The following PTK2 variants were observed in gnomAD, a reference collection of about 807,000 sequenced individuals.
PTK2 encodes protein tyrosine kinase 2.
PTK2 carries 45 observed loss-of-function variants against 150.1 expected under a neutral mutation model. That is an observed-to-expected ratio of 0.30 (90% CI 0.24 to 0.38). The LOEUF is 0.38. PTK2 is among the 10% of genes least tolerant of loss of function. PTK2 has a pLI of 1.00. For synonymous variants in PTK2, 432 were observed against 449.2 expected (o/e 0.96, Z 0.48); for missense variants, 919 against 1,307.3 (o/e 0.70, Z 4.58).
chr8:140,715,092 T>C (rs976456322), intron 23 of PTK2, among the ~76,000 whole-genome samples: 1 of 151,242 alleles, frequency 6.6e-6, no homozygotes, highest in Non-Finnish European at 1.5e-5. Flanking sequence ...TTAGTATTTG[T>C]TAATAATCAT....
chr8:140,823,391 G>C (rs966225944), intron 8 of PTK2, among the ~76,000 whole-genome samples: 20 of 152,214 alleles, frequency 1.3e-4, no homozygotes, highest in Middle Eastern at 3.4e-3. Context: ...CTGCTCATTT[G>C]TTCAATGCTT....
chr8:140,786,484 T>G (rs575629181), intron 14 of PTK2, among the ~76,000 whole-genome samples: 16 of 152,310 alleles, frequency 1.1e-4, no homozygotes, highest in Admixed American at 3.3e-4. Flanking sequence ...TTACCAGCTC[T>G]GGGGCTAAGT....
intron 13 of PTK2, among the ~76,000 whole-genome samples, chr8:140,791,639 A>C (rs1378592229): frequency 1.3e-5 from 2 of 152,172 alleles, no homozygotes; most frequent in African/African-American, 4.8e-5. Context: ...CTATTACAGG[A>C]AAACATGATG....
chr8:140,889,927 C>G (rs1273632315), intron 3 of PTK2, among the ~76,000 whole-genome samples: 1 of 152,164 alleles, frequency 6.6e-6, no homozygotes, highest in Non-Finnish European at 1.5e-5. Flanking sequence ...AAAGGAAATC[C>G]TTTCCAGTAC....
chr8:140,766,060 C>T (rs995169503), intron 14 of PTK2, among the ~76,000 whole-genome samples: 1 of 152,150 alleles, frequency 6.6e-6, no homozygotes, highest in Non-Finnish European at 1.5e-5. Context: ...CATGAATTGG[C>T]CCTGCTGCAG....
intron 11 of PTK2, among the ~76,000 whole-genome samples, chr8:140,801,751 A>C (rs917653359): frequency 2.0e-5 from 3 of 152,196 alleles, no homozygotes; most frequent in Admixed American, 6.5e-5. Context: ...CATGGACAAC[A>C]CAGTGTGGAA....
chr8:140,744,205 T>C (rs1481423943), intron 19 of PTK2, among the ~76,000 whole-genome samples: 3 of 152,100 alleles, frequency 2.0e-5, no homozygotes, highest in African/African-American at 4.8e-5. Context: ...ACTCAGGCTA[T>C]AAACAGAAAT....
intron 1 of PTK2, among the ~76,000 whole-genome samples, chr8:140,955,380 A>C (rs912435079): frequency 6.6e-6 from 1 of 152,142 alleles, no homozygotes; most frequent in Admixed American, 6.6e-5. Context: ...CGTGTGTAAG[A>C]TATGTCTTGC....
intron 10 of PTK2, among the ~76,000 whole-genome samples, chr8:140,805,464 C>T (rs2154598781): frequency 6.6e-6 from 1 of 150,992 alleles, no homozygotes; most frequent in East Asian, 2.0e-4. Flanking sequence ...GAGGCTGAGG[C>T]AGGAGAATCA....
At chr8:140,945,217 T>C (rs1005889383) in intron 1 of PTK2, among the ~76,000 whole-genome samples, 17 of 152,212 alleles carry the variant, frequency 1.1e-4, no homozygotes, top group Non-Finnish European at 2.4e-4. Flanking sequence ...ATATATAAAA[T>C]CAACAGTTTA....
chr8:140,993,750 GAC>G (rs1311897179), intron 1 of PTK2, among the ~76,000 whole-genome samples: 1 of 152,018 alleles, frequency 6.6e-6, no homozygotes, highest in Non-Finnish European at 1.5e-5. Context: ...TCTTTTTTGA[GAC>G]AGAGTCTCAC....
chr8:140,749,722 T>C (rs2100061589), intron 17 of PTK2, among the ~76,000 whole-genome samples: 2 of 152,242 alleles, frequency 1.3e-5, no homozygotes, highest in South Asian at 4.1e-4. Context: ...TAACAATTCC[T>C]GATCGAGGCC....
intron 13 of PTK2, among the ~76,000 whole-genome samples, chr8:140,792,238 CT>C (rs2100088933): frequency 6.6e-6 from 1 of 152,212 alleles, no homozygotes; most frequent in Non-Finnish European, 1.5e-5. Flanking sequence ...TGAACTCTTG[CT>C]TTCCTTCTGG....
At chr8:140,729,294 G>C (rs1330033852) in intron 22 of PTK2, among the ~76,000 whole-genome samples, 2 of 152,156 alleles carry the variant, frequency 1.3e-5, no homozygotes, top group African/African-American at 4.8e-5. Context: ...CCCCCAGCTG[G>C]AGTGAAAGCT....
chr8:140,740,911 G>C (rs1364833256), intron 20 of PTK2, among the ~76,000 whole-genome samples: 1 of 152,148 alleles, frequency 6.6e-6, no homozygotes, highest in Non-Finnish European at 1.5e-5. Flanking sequence ...GGGAGGCCAA[G>C]GTGGGAAGAT....
At chr8:140,971,516 A>G (rs906206763) in intron 1 of PTK2, among the ~76,000 whole-genome samples, 1 of 152,218 alleles carries the variant, frequency 6.6e-6, no homozygotes, top group Non-Finnish European at 1.5e-5. Flanking sequence ...AATTTTTCTA[A>G]AAGAGCCTCC....
intron 14 of PTK2, among the ~76,000 whole-genome samples, chr8:140,785,805 A>C (rs76410030): frequency 6.6e-6 from 1 of 152,212 alleles, no homozygotes; most frequent in Non-Finnish European, 1.5e-5. Context: ...TTAATTCTTC[A>C]TATCTGTGAA....
intron 16 of PTK2, among the ~76,000 whole-genome samples, chr8:140,753,581 G>C (rs2100063999): frequency 1.3e-5 from 2 of 152,180 alleles, no homozygotes; most frequent in South Asian, 4.1e-4. Context: ...GGACAAGAGT[G>C]GAAAATGTCA....
At chr8:140,904,626 C>T (rs1194810364) in intron 2 of PTK2, among the ~76,000 whole-genome samples, 1 of 152,056 alleles carries the variant, frequency 6.6e-6, no homozygotes, top group African/African-American at 2.4e-5. Flanking sequence ...CTGTCTGGTC[C>T]TGGGCTTTTT....
Sources: gnomAD v4.1 joint callset for allele counts (sites outside exome capture counted in the v4.1 genomes callset) on GRCh38, gnomAD v4.1.1 for gene constraint, MANE v1.5 for transcripts, NCBI Gene and HGNC (gene_info 2026-07-23, HGNC 2026-07-21) for gene names.